RIMBP2: variants seen among roughly 807,000 people sequenced by gnomAD.
The protein encoded by RIMBP2 is RIMS binding protein 2.
RIMBP2 carries 48 observed loss-of-function variants against 118.6 expected under a neutral mutation model. That is an observed-to-expected ratio of 0.40 (90% CI 0.32 to 0.51). The LOEUF (loss-of-function observed/expected upper bound fraction) is 0.51, where lower values mean the gene tolerates loss of function less well. Among genes scored for constraint, RIMBP2 ranks in the 20% least tolerant of loss-of-function variants. The pLI, the probability that RIMBP2 is intolerant of heterozygous loss-of-function variation, is 0.41. For synonymous variants in RIMBP2, 762 were observed against 742.9 expected (o/e 1.03, Z -0.42); for missense variants, 1,551 against 1,768.3 (o/e 0.88, Z 2.20).
Position 130,657,736 on chromosome 12 carries a change from G to GC in RIMBP2, c.-351-29281dup, listed in dbSNP as rs1390368991. The GC allele has an allele frequency of 6.1e-5, 4 of 65,758 alleles. 1 individual carries two copies. Among genetic ancestry groups the GC allele is most frequent in the African/African-American group, 1.8e-4 (4 of 22,504 alleles). 4.1% of individuals were successfully genotyped at this position (65,758 alleles called of 1,614,324 possible). On this transcript the variant is annotated intron_variant, in intron 1 of 22. Transcript: ENST00000690449. ...GAGGGCGGAGGATGGAGCCCCAGCT[G>GC]CGGGGGGCAGTGAGGGCGGAGGATG...
chr12:130,705,493 G>A (rs2066063342), intron 1 of RIMBP2, among the ~76,000 whole-genome samples: 1 of 152,178 alleles, frequency 6.6e-6, no homozygotes, highest in African/African-American at 2.4e-5. Context: ...GGCTGGCAGG[G>A]AAGGGACGCA....
intron 1 of RIMBP2, among the ~76,000 whole-genome samples, chr12:130,666,885 A>G: frequency 8.1e-6 from 1 of 123,884 alleles, no homozygotes; most frequent in Admixed American, 8.2e-5. Flanking sequence ...GGAAGAAGGG[A>G]AGGAAGGAGA....
intron 1 of RIMBP2, among the ~76,000 whole-genome samples, chr12:130,713,572 C>T (rs1019651323): frequency 6.6e-6 from 1 of 152,234 alleles, no homozygotes; most frequent in African/African-American, 2.4e-5. Context: ...CTGGAATCAG[C>T]AGCTCTGCTT....
chr12:130,440,795 G>A (rs2078057181), intron 11 of RIMBP2, among the ~76,000 whole-genome samples: 1 of 152,220 alleles, frequency 6.6e-6, no homozygotes, highest in Non-Finnish European at 1.5e-5. Context: ...GGCAGCGTCT[G>A]TCCCACCTAC....
chr12:130,503,501 A>G lies in RIMBP2; in HGVS notation c.-4+3147T>C, dbSNP rs1176237926. Among the ~76,000 whole-genome samples, 9 of 152,324 alleles carry G rather than the reference A, an allele frequency of 5.9e-5. 1 individual carries two copies. The South Asian group carries it at 1.7e-3, about 28-fold the overall frequency. On this transcript the variant is annotated intron_variant, in intron 4 of 22. Coordinates refer to ENST00000690449, the MANE Select transcript of RIMBP2 (RefSeq NM_001393629.1). The stretch of plus-strand genomic sequence containing the variant: ...CGTTCCTCCCCAATCCTCCTTGCTA[A>G]CGATGCAAAAAAGGCTTGAAAACTC...
chr12:130,439,268 G>A (rs2077820896), intron 11 of RIMBP2, among the ~76,000 whole-genome samples: 1 of 151,922 alleles, frequency 6.6e-6, no homozygotes. Context: ...ATGTGTATGT[G>A]TGTATGTACA....
intron 2 of RIMBP2, among the ~76,000 whole-genome samples, chr12:130,537,594 C>T (rs987793757): frequency 1.3e-5 from 2 of 152,160 alleles, no homozygotes; most frequent in Admixed American, 1.3e-4. Flanking sequence ...TTAAAATAAC[C>T]AGCCTATGCG....
intron 1 of RIMBP2, among the ~76,000 whole-genome samples, chr12:130,689,580 C>A (rs1027335866): frequency 1.3e-5 from 2 of 152,132 alleles, no homozygotes; most frequent in African/African-American, 4.8e-5. Flanking sequence ...CCGTGCAGTA[C>A]GATTCTCCCC....
chr12:130,607,899 A>G (rs1277208239), intron 2 of RIMBP2, among the ~76,000 whole-genome samples: 2 of 152,090 alleles, frequency 1.3e-5, no homozygotes, highest in African/African-American at 4.8e-5. Context: ...GGGAGCTCCC[A>G]GCAGGATGTG....
chr12:130,654,287 T>G (rs2063340432), intron 1 of RIMBP2, among the ~76,000 whole-genome samples: 1 of 152,214 alleles, frequency 6.6e-6, no homozygotes, highest in Non-Finnish European at 1.5e-5. Context: ...ATGCTTTGCT[T>G]CTTAGAAATT....
chr12:130,664,468 C>CACACGCAT (rs1434005531), intron 1 of RIMBP2, among the ~76,000 whole-genome samples: 1 of 150,576 alleles, frequency 6.6e-6, no homozygotes, highest in African/African-American at 2.5e-5. Context: ...CACGCACACA[C>CACACGCAT]ACGCACGCAC....
chr12:130,429,010 TG>T (rs2136899862), intron 14 of RIMBP2: 1 of 152,380 alleles, frequency 6.6e-6, no homozygotes, highest in South Asian at 2.1e-4. Context: ...GGCAGGAGAA[TG>T]GCGTGAGCCC....
intron 12 of RIMBP2, 26 bp downstream of exon 12, chr12:130,438,339 T>TTCCC: frequency 1.3e-6 from 1 of 755,644 alleles, no homozygotes; most frequent in Non-Finnish European, 2.1e-6. Context: ...TAACAAACCC[T>TTCCC]CCCCACCCAC....
At chr12:130,675,324 G>A (rs543019626) in intron 1 of RIMBP2, among the ~76,000 whole-genome samples, 77 of 152,212 alleles carry the variant, frequency 5.1e-4, no homozygotes, top group African/African-American at 1.4e-3. Flanking sequence ...TCCACACAGC[G>A]CCCCGTGGAG....
chr12:130,537,926 T>C (rs1009499423), intron 2 of RIMBP2, among the ~76,000 whole-genome samples: 2 of 152,330 alleles, frequency 1.3e-5, no homozygotes, highest in South Asian at 2.1e-4. Context: ...TAAGCACACT[T>C]GCTCTTGCTG....
chr12:130,428,709 C>G (rs139208385), intron 14 of RIMBP2: 1 of 176,648 alleles, frequency 5.7e-6, no homozygotes, highest in African/African-American at 2.4e-5. Flanking sequence ...ACTCTGGTGA[C>G]GGTGGGGATC....
chr12:130,416,927 T>A (rs1489320806), intron 17 of RIMBP2, among the ~76,000 whole-genome samples: 1 of 151,872 alleles, frequency 6.6e-6, no homozygotes, highest in Non-Finnish European at 1.5e-5. Flanking sequence ...AAAGATCACA[T>A]ACAAGCAGAT....
At position 130,399,780 on chromosome 12, in the gene RIMBP2, A is replaced by G. The variant is rs2074352300; in HGVS notation, c.3799T>C (p.Ser1267Pro). The change falls in exon 22 of 23, where the codon TCA becomes CCA. Residue 1267 changes from serine to proline, a missense_variant. Around this residue, in one of 5 missense-constraint regions of RIMBP2, gnomAD observed 1,038 missense variants for 1,125.1 expected, o/e 0.92. Coordinates refer to ENST00000690449, the MANE Select transcript of RIMBP2 (RefSeq NM_001393629.1). ...ELNGQKGLVPSNFLEEVPDDV... is the reference protein window; with the variant it reads ...ELNGQKGLVPPNFLEEVPDDV... ...TCAGGCACTTCTTCCAAGAAGTTTG[A>G]GGGCACAAGGCCTTTCTGCCCATTC... The G allele has an allele frequency of 6.2e-7, 1 of 1,614,088 alleles. No homozygotes were observed. The highest frequency in any genetic ancestry group is 1.3e-5 in the African/African-American group (1 of 74,942).
At chr12:130,503,629 T>C (rs2050019703) in intron 4 of RIMBP2, among the ~76,000 whole-genome samples, 1 of 152,250 alleles carries the variant, frequency 6.6e-6, no homozygotes, top group Non-Finnish European at 1.5e-5. Flanking sequence ...TGTATTTTTC[T>C]GCATCCTCTA....
Sources: gnomAD v4.1 joint callset for allele counts (sites outside exome capture counted in the v4.1 genomes callset) on GRCh38, gnomAD v4.1.1 for gene constraint, gnomAD v4.1.1 regional missense constraint, MANE v1.5 for transcripts, NCBI Gene and HGNC (gene_info 2026-07-23, HGNC 2026-07-21) for gene names.